Variants in AMPH observed in about 807,000 individuals in gnomAD.
The protein encoded by AMPH is amphiphysin, also known as amphiphysin (Stiff-Mann syndrome with breast cancer 128kD autoantigen).
AMPH carries 49 observed loss-of-function variants against 99.1 expected under a neutral mutation model. The observed-to-expected ratio is 0.49, with a 90% CI of 0.39 to 0.63. The LOEUF is 0.63. Ranked by LOEUF, AMPH falls within the 20% of genes least tolerant of loss-of-function variation. The pLI, the probability that AMPH is intolerant of heterozygous loss-of-function variation, is 0.00. For missense variants in AMPH, 759 were observed against 863.4 expected, an observed-to-expected ratio of 0.88 and a Z score of 1.52; for synonymous variants, 314 against 317.3, an observed-to-expected ratio of 0.99 and a Z score of 0.11.
intron 1 of AMPH, among the ~76,000 whole-genome samples, chr7:38,559,099 G>T (rs1397671327): frequency 6.6e-6 from 1 of 152,198 alleles, no homozygotes; most frequent in African/African-American, 2.4e-5. Flanking sequence ...TATAATTCAT[G>T]TGTTTTCCAG....
At chr7:38,524,035 A>G (rs892632508) in intron 2 of AMPH, among the ~76,000 whole-genome samples, 1 of 152,226 alleles carries the variant, frequency 6.6e-6, no homozygotes, top group Non-Finnish European at 1.5e-5. Flanking sequence ...GAGCTCTGCC[A>G]TTACAAAGTG....
intron 1 of AMPH, among the ~76,000 whole-genome samples, chr7:38,590,949 G>A (rs779724165): frequency 1.8e-4 from 28 of 152,124 alleles, no homozygotes; most frequent in Non-Finnish European, 2.9e-4. Context: ...TATTATAAGC[G>A]ATTTCAAAAT....
chr7:38,631,104 G>A (rs377632770), intron 1 of AMPH, among the ~76,000 whole-genome samples, 179 bp downstream of exon 1: 31 of 151,858 alleles, frequency 2.0e-4, no homozygotes, highest in Admixed American at 3.3e-4. Flanking sequence ...GCGGCGCCCG[G>A]GTCGCGCCTT....
intron 2 of AMPH, among the ~76,000 whole-genome samples, chr7:38,521,409 T>C: frequency 6.6e-6 from 1 of 152,148 alleles, no homozygotes; most frequent in African/African-American, 2.4e-5. Flanking sequence ...TAATCCCACC[T>C]ACTCAAGAGG....
chr7:38,398,742 AT>A (rs1383903296), intron 17 of AMPH, among the ~76,000 whole-genome samples: 1 of 152,252 alleles, frequency 6.6e-6, no homozygotes, highest in Non-Finnish European at 1.5e-5. Context: ...GGTGATAGAT[AT>A]ATTTACCCTG....
At chr7:38,517,387 A>G (rs988769410) in intron 2 of AMPH, among the ~76,000 whole-genome samples, 4 of 152,170 alleles carry the variant, frequency 2.6e-5, no homozygotes, top group African/African-American at 9.7e-5. Flanking sequence ...AAAAGTATAA[A>G]GCACTTCTCC....
chr7:38,456,213 G>A (rs1029620970), intron 11 of AMPH, among the ~76,000 whole-genome samples: 6 of 152,236 alleles, frequency 3.9e-5, no homozygotes, highest in South Asian at 4.1e-4. Flanking sequence ...AGGTTGCAGC[G>A]GGACCAAGGC....
At chr7:38,556,097 T>G (rs1270652313) in intron 1 of AMPH, among the ~76,000 whole-genome samples, 1 of 151,464 alleles carries the variant, frequency 6.6e-6, no homozygotes, top group Non-Finnish European at 1.5e-5. Flanking sequence ...CCCCTGAGTC[T>G]AAAATAAAAC....
intron 1 of AMPH, among the ~76,000 whole-genome samples, chr7:38,559,263 C>G (rs988409043): frequency 2.0e-5 from 3 of 152,244 alleles, no homozygotes; most frequent in East Asian, 3.8e-4. Flanking sequence ...ATTATGGCAA[C>G]AGCAAATAAC....
chr7:38,421,383 T>C (rs1785577847), intron 16 of AMPH, among the ~76,000 whole-genome samples: 2 of 152,242 alleles, frequency 1.3e-5, no homozygotes, highest in African/African-American at 2.4e-5. Flanking sequence ...CCAATGAACA[T>C]GAAGAATGAG....
At chr7:38,440,488 A>G (rs955844670) in intron 11 of AMPH, among the ~76,000 whole-genome samples, 4 of 152,210 alleles carry the variant, frequency 2.6e-5, no homozygotes, top group African/African-American at 9.6e-5. Context: ...AACCAGAAAT[A>G]GTAACTGCCT....
chr7:38,597,717 C>T (rs1793109317), intron 1 of AMPH, among the ~76,000 whole-genome samples: 1 of 152,190 alleles, frequency 6.6e-6, no homozygotes, highest in East Asian at 1.9e-4. Flanking sequence ...TCTTAAAAAA[C>T]CCCACCCATC....
At chr7:38,560,760 C>T (rs1165095213) in intron 1 of AMPH, among the ~76,000 whole-genome samples, 1 of 152,112 alleles carries the variant, frequency 6.6e-6, no homozygotes, top group African/African-American at 2.4e-5. Flanking sequence ...GGGTGGTTCC[C>T]AAGGCTAGCT....
intron 1 of AMPH, among the ~76,000 whole-genome samples, chr7:38,570,927 TTATA>T (rs142367196): frequency 1.0e-3 from 21 of 20,064 alleles, no homozygotes; most frequent in African/African-American, 4.2e-3. Flanking sequence ...ACAAAAAAAT[TTATA>T]TATATATATA....
chr7:38,403,592 T>C (rs1036908839), intron 17 of AMPH, among the ~76,000 whole-genome samples: 5 of 152,172 alleles, frequency 3.3e-5, no homozygotes, highest in African/African-American at 7.2e-5. Flanking sequence ...TTGGCAATGA[T>C]AGGGGACTGA....
At chr7:38,460,134 T>C (rs1012885627) in intron 11 of AMPH, among the ~76,000 whole-genome samples, 25 of 152,026 alleles carry the variant, frequency 1.6e-4, no homozygotes, top group African/African-American at 5.5e-4. Context: ...CAAAACCAAA[T>C]TGAGATGTCA....
At position 38,520,062 on chromosome 7, in the gene AMPH, TTCTC is replaced by T. The variant is rs1042492118; in HGVS notation, c.150+14865_150+14868del. 4.0e-5 allele frequency among the ~76,000 whole-genome samples: 6 copies of T among 151,598 alleles called. No individual in the cohort carries two copies. In the South Asian group the frequency reaches 8.3e-4, roughly 21 times the overall value. ...CTTGGCTATTATAACTCCTTTGCCTTTCTCTCTCTCTCTGTCTCTCCCCGTATGT... is the reference window on the plus strand; with the variant it reads ...CTTGGCTATTATAACTCCTTTGCCTTTCTCTCTCTGTCTCTCCCCGTATGT... On this transcript the variant is annotated intron_variant, in intron 2 of 20. Transcript: ENST00000356264.
At chr7:38,617,762 T>C (rs1256408393) in intron 1 of AMPH, among the ~76,000 whole-genome samples, 1 of 152,172 alleles carries the variant, frequency 6.6e-6, no homozygotes, top group Non-Finnish European at 1.5e-5. Flanking sequence ...CTGATAAAAG[T>C]TACAGGCACC....
At chr7:38,568,373 G>A (rs1416435443) in intron 1 of AMPH, among the ~76,000 whole-genome samples, 1 of 152,206 alleles carries the variant, frequency 6.6e-6, no homozygotes, top group Non-Finnish European at 1.5e-5. Flanking sequence ...GCTGACGCAG[G>A]AGGATGGCAT....
Sources: allele counts gnomAD v4.1 joint callset (sites outside exome capture counted in the v4.1 genomes callset), GRCh38; gene constraint gnomAD v4.1.1; transcripts MANE v1.5; gene names NCBI Gene and HGNC (gene_info 2026-07-23, HGNC 2026-07-21).